The following CCDC117 variants were observed in gnomAD, a reference collection of about 807,000 sequenced individuals.
The protein encoded by CCDC117 is coiled-coil domain-containing protein 117.
In CCDC117, 1 loss-of-function variant was observed where a neutral mutation model predicts 23.5. The ratio of observed to expected loss-of-function variants is 0.04; its 90% CI spans 0.02 to 0.20. CCDC117 has a LOEUF of 0.20. CCDC117 is among the 10% of genes least tolerant of loss of function. The probability of loss-of-function intolerance (pLI) is 1.00; values close to 1 mark genes in which losing one functional copy is unlikely to be tolerated. For synonymous variants in CCDC117, 132 were observed against 124.8 expected (o/e 1.06, Z -0.39); for missense variants, 383 against 348.2 (o/e 1.10, Z -0.80).
chr22:28,784,883 G>GC, intron 4 of CCDC117, among the ~76,000 whole-genome samples: 1 of 151,910 alleles, frequency 6.6e-6, no homozygotes, highest in South Asian at 2.1e-4. Flanking sequence ...CCATTCTCCT[G>GC]CTCAGCCTCC....
chr22:28,783,560 C>T lies in CCDC117; in HGVS notation c.517C>T (p.Pro173Ser). The change falls in exon 4 of 5, where the codon CCC becomes TCC. Residue 173 changes from proline to serine, a missense_variant. By Grantham distance (74) the Pro-to-Ser change is moderately conservative. Coordinates refer to ENST00000249064, the MANE Select transcript of CCDC117 (RefSeq NM_173510.4). ...VEADRNVNHL[P>S]SLVLSDTMKT... ...AGCTGACAGAAATGTTAACCATCTC[C>T]CCAGTCTTGTCCTTTCTGATACCAT... is the stretch of plus-strand genomic sequence containing the variant. The T allele has an allele frequency of 1.2e-6, 2 of 1,613,504 alleles. No individual in the cohort carries two copies. The highest frequency in any genetic ancestry group is 1.7e-6 in the Non-Finnish European group (2 of 1,179,584).
intron 2 of CCDC117, among the ~76,000 whole-genome samples, chr22:28,778,457 A>G (rs1000335118): frequency 5.3e-5 from 8 of 152,080 alleles, no homozygotes; most frequent in Non-Finnish European, 1.2e-4. Flanking sequence ...AAAATACAAA[A>G]GTCAGCCGGG....
intron 2 of CCDC117, 110 bp downstream of exon 2, chr22:28,773,888 AAG>A (rs1389613392): frequency 4.8e-6 from 4 of 831,702 alleles, no homozygotes; most frequent in Non-Finnish European, 6.1e-6. Context: ...TGTCTCTGGA[AAG>A]AGACACAGAA....
In CCDC117 at chr22:28,772,741, G is replaced by C. The variant is rs1328084894; in HGVS notation, c.-109G>C. On this transcript the variant is annotated 5_prime_UTR_variant, in exon 1 of 5. Transcript: ENST00000249064. ...TCTAGAAGGCGTGACGTGGGGTCGA[G>C]AGCGGGATCCGAGGCTGGCGGGTTT... 2.3e-6 allele frequency: 2 copies of C among 887,304 alleles called. No homozygotes were observed. The highest frequency in any genetic ancestry group is 3.5e-5 in the African/African-American group (2 of 56,870). The allele number at this position is 887,304 out of a possible 1,614,324, so 55.0% of individuals were successfully genotyped here. A position where few individuals can be genotyped will look rare whatever the true frequency, so the allele number is the denominator to read the frequency against.
At chr22:28,779,027 A>G (rs1396347028) in intron 2 of CCDC117, among the ~76,000 whole-genome samples, 1 of 152,072 alleles carries the variant, frequency 6.6e-6, no homozygotes, top group Admixed American at 6.6e-5. Flanking sequence ...GTGGACTCTC[A>G]CTGTGTTGCT....
intron 1 of CCDC117, 69 bp downstream of exon 1, chr22:28,773,103 C>T (rs1333277809): frequency 3.2e-5 from 26 of 816,674 alleles, no homozygotes; most frequent in African/African-American, 5.6e-5. Context: ...CCCCTCGCGG[C>T]GGGCGCGGGC....
intron 1 of CCDC117, 200 bp from the exon 2 acceptor site, chr22:28,773,525 A>T: frequency 1.7e-6 from 1 of 594,654 alleles, no homozygotes; most frequent in East Asian, 2.8e-5. Flanking sequence ...TAAAAGGACA[A>T]GTTGAGATTT....
intron 2 of CCDC117, among the ~76,000 whole-genome samples, chr22:28,775,390 C>G (rs1184852824): frequency 1.3e-5 from 2 of 152,166 alleles, no homozygotes; most frequent in African/African-American, 2.4e-5. Context: ...CCTGACCATT[C>G]TTTTGAAGTT....
chr22:28,781,188 A>G lies in CCDC117; in HGVS notation c.464+16A>G, dbSNP rs369075297. The G allele has an allele frequency of 1.2e-4, 187 of 1,533,712 alleles. No individual in the cohort carries two copies. In the African/African-American group the frequency reaches 2.2e-3, roughly 18 times the overall value. ...TTGAGGACAGGTAAATGGGCAGTGT[A>G]TATAGCTGGTTTTTTGCTGTTCTCT... On this transcript the variant is annotated intron_variant, in intron 3 of 4. Transcript: ENST00000249064.
intron 1 of CCDC117, 40 bp downstream of exon 1, chr22:28,773,074 C>CTA (rs2031041894): frequency 2.6e-6 from 1 of 383,462 alleles, no homozygotes; most frequent in Non-Finnish European, 3.8e-6. Context: ...GGCGGGCGGG[C>CTA]GGGCGGGCAG....
At chr22:28,786,049 C>G in intron 4 of CCDC117, 40 bp from the exon 5 acceptor site, 1 of 1,473,338 alleles carries the variant, frequency 6.8e-7, no homozygotes, top group Non-Finnish European at 9.3e-7. Flanking sequence ...GTTTTCATGT[C>G]CTAAAATTTT....
intron 2 of CCDC117, among the ~76,000 whole-genome samples, chr22:28,776,309 A>G: frequency 6.6e-6 from 1 of 152,154 alleles, no homozygotes; most frequent in African/African-American, 2.4e-5. Context: ...CCAGAGACTG[A>G]GGCACGAGGA....
rs2031571226 is a variant in CCDC117, at chr22:28,788,099, C to T, written c.*1773C>T. 1 of 152,614 alleles carries T rather than the reference C, an allele frequency of 6.6e-6. No individual in the cohort carries two copies. Among genetic ancestry groups the T allele is most frequent in the African/African-American group, 2.4e-5 (1 of 41,442 alleles). The allele number at this position is 152,614 out of a possible 1,614,324, so 9.5% of individuals were successfully genotyped here. A position where few individuals can be genotyped will look rare whatever the true frequency, so the allele number is the denominator to read the frequency against. ...TTAAACAAAATATTTAATGTCTATA[C>T]AGTAAAATTATTCAAACTTCAAACC... On this transcript the variant is annotated 3_prime_UTR_variant, in exon 5 of 5. Transcript: ENST00000249064.
chr22:28,779,964 T>G (rs2031272425), intron 2 of CCDC117, among the ~76,000 whole-genome samples: 1 of 152,222 alleles, frequency 6.6e-6, no homozygotes, highest in Non-Finnish European at 1.5e-5. Flanking sequence ...TATATCGTAG[T>G]GCTTGCAAAT....
rs761842252 is a variant in CCDC117, at chr22:28,772,774, A to C, written c.-76A>C. 2 of 1,149,218 alleles carry C rather than the reference A, an allele frequency of 1.7e-6. No homozygotes were observed. The highest frequency in any genetic ancestry group is 3.2e-5 in the African/African-American group (2 of 62,098). 71.2% of individuals were successfully genotyped at this position (1,149,218 alleles called of 1,614,324 possible). On this transcript the variant is annotated 5_prime_UTR_variant, in exon 1 of 5. Coordinates refer to ENST00000249064, the MANE Select transcript of CCDC117 (RefSeq NM_173510.4). ...TCCGAGGCTGGCGGGTTTTGGCAGT[A>C]GCTGTGGCTGCGGCTGCCGGGCCTG... is the stretch of plus-strand genomic sequence containing the variant.
chr22:28,773,323 T>G (rs1357913213), intron 1 of CCDC117: 2 of 176,260 alleles, frequency 1.1e-5, no homozygotes, highest in African/African-American at 4.7e-5. Flanking sequence ...CCTGGGCGAC[T>G]CGGTCTGGGT....
chr22:28,784,477 T>C (rs1203444309), intron 4 of CCDC117, among the ~76,000 whole-genome samples: 1 of 152,236 alleles, frequency 6.6e-6, no homozygotes, highest in Non-Finnish European at 1.5e-5. Flanking sequence ...AGGGCAAGTT[T>C]CAGGTATCTG....
intron 3 of CCDC117, 25 bp downstream of exon 3, chr22:28,781,197 G>A: frequency 2.1e-6 from 3 of 1,417,282 alleles, no homozygotes; most frequent in Non-Finnish European, 3.0e-6. Flanking sequence ...TATATAGCTG[G>A]TTTTTTGCTG....
At position 28,786,924 on chromosome 22, in the gene CCDC117, A is replaced by G. The variant is rs2031530742; in HGVS notation, c.*598A>G. The G allele has an allele frequency of 6.6e-6, 1 of 152,654 alleles. No individual in the cohort carries two copies. Among genetic ancestry groups the G allele is most frequent in the Admixed American group, 6.5e-5 (1 of 15,284 alleles). 9.5% of individuals were successfully genotyped at this position (152,654 alleles called of 1,614,324 possible). Reference sequence around the variant, plus strand: ...AGTATTGTGGCTCTCCTCTTTGACTATGAAAATATAGAGAAAGTTTTTTCT... The same window carrying G: ...AGTATTGTGGCTCTCCTCTTTGACTGTGAAAATATAGAGAAAGTTTTTTCT... On this transcript the variant is annotated 3_prime_UTR_variant, in exon 5 of 5. Coordinates refer to ENST00000249064, the MANE Select transcript of CCDC117 (RefSeq NM_173510.4).
Sources: gnomAD v4.1 joint callset for allele counts (sites outside exome capture counted in the v4.1 genomes callset) on GRCh38, gnomAD v4.1.1 for gene constraint, MANE v1.5 for transcripts, NCBI Gene and HGNC (gene_info 2026-07-23, HGNC 2026-07-21) for gene names.